Variants in ARHGAP32 observed in about 807,000 individuals in gnomAD.
The protein encoded by ARHGAP32 is Rho GTPase activating protein 32.
A neutral mutation model predicts 186.5 loss-of-function variants in ARHGAP32; 51 were observed. That is an observed-to-expected ratio of 0.27 (90% CI 0.22 to 0.35). ARHGAP32 has a LOEUF of 0.35. ARHGAP32 is among the 10% of genes least tolerant of loss of function. The pLI, the probability that ARHGAP32 is intolerant of heterozygous loss-of-function variation, is 1.00. For synonymous variants in ARHGAP32, 950 were observed against 964.3 expected, an observed-to-expected ratio of 0.99 and a Z score of 0.27; for missense variants, 2,186 against 2,623.5, an observed-to-expected ratio of 0.83 and a Z score of 3.64.
At chr11:129,211,091 C>A (rs1265446249) in intron 1 of ARHGAP32, among the ~76,000 whole-genome samples, 3 of 152,168 alleles carry the variant, frequency 2.0e-5, no homozygotes, top group Non-Finnish European at 2.9e-5. Context: ...TTCAATGCAT[C>A]CCTTTCCATC....
At chr11:129,157,596 A>G (rs1014587369) in intron 2 of ARHGAP32, among the ~76,000 whole-genome samples, 2 of 152,218 alleles carry the variant, frequency 1.3e-5, no homozygotes, top group Non-Finnish European at 2.9e-5. Flanking sequence ...GACCAAATCT[A>G]TCTTTGGCTG....
chr11:129,130,457 C>T (rs1233470695), intron 2 of ARHGAP32, among the ~76,000 whole-genome samples: 3 of 151,210 alleles, frequency 2.0e-5, no homozygotes, highest in Admixed American at 1.3e-4. Context: ...ATACATTCAA[C>T]GACATCAAAA....
intron 1 of ARHGAP32, among the ~76,000 whole-genome samples, chr11:129,255,764 T>C (rs1331681951): frequency 1.3e-5 from 2 of 152,034 alleles, no homozygotes; most frequent in African/African-American, 4.8e-5. Flanking sequence ...TTAAAAACAA[T>C]GACATCAAGT....
intron 6 of ARHGAP32, among the ~76,000 whole-genome samples, chr11:129,092,861 T>G (rs1406755417): frequency 6.6e-6 from 1 of 151,970 alleles, no homozygotes; most frequent in East Asian, 1.9e-4. Flanking sequence ...GAAGAAAGCT[T>G]TCCTCCTAAA....
At chr11:129,088,419 A>G (rs974151932) in intron 6 of ARHGAP32, among the ~76,000 whole-genome samples, 1 of 152,156 alleles carries the variant, frequency 6.6e-6, no homozygotes, top group Non-Finnish European at 1.5e-5. Context: ...GTCTCTACTA[A>G]AAATACAAAA....
intron 11 of ARHGAP32, among the ~76,000 whole-genome samples, chr11:129,006,960 T>A (rs561366687): frequency 1.3e-5 from 2 of 152,032 alleles, no homozygotes; most frequent in Non-Finnish European, 2.9e-5. Context: ...TCTTTCCTAC[T>A]CTTCTCTCCC....
intron 1 of ARHGAP32, among the ~76,000 whole-genome samples, chr11:129,241,289 A>G (rs1591713835): frequency 6.6e-6 from 1 of 152,160 alleles, no homozygotes; most frequent in Non-Finnish European, 1.5e-5. Context: ...TTTTATTTGG[A>G]AAGGTAAGAA....
At chr11:129,121,373 G>A (rs1942524409) in intron 5 of ARHGAP32, among the ~76,000 whole-genome samples, 1 of 152,072 alleles carries the variant, frequency 6.6e-6, no homozygotes, top group Admixed American at 6.6e-5. Flanking sequence ...AACATGGGTT[G>A]AATTCAACCA....
intron 10 of ARHGAP32, among the ~76,000 whole-genome samples, chr11:129,059,434 A>G (rs1325154270): frequency 2.0e-5 from 3 of 152,000 alleles, no homozygotes; most frequent in African/African-American, 7.3e-5. Flanking sequence ...GAAATGGACT[A>G]ATGTGTAGAA....
chr11:129,093,729 A>C, intron 5 of ARHGAP32, 22 bp from the exon 6 acceptor site: 1 of 1,505,842 alleles, frequency 6.6e-7, no homozygotes, highest in Non-Finnish European at 9.1e-7. Flanking sequence ...AAAAAAAAGA[A>C]GAGGGGGAAA....
At chr11:129,217,658 T>C (rs944812680) in intron 1 of ARHGAP32, among the ~76,000 whole-genome samples, 5 of 152,174 alleles carry the variant, frequency 3.3e-5, no homozygotes, top group Non-Finnish European at 7.4e-5. Context: ...AAAAGCTCAG[T>C]ACTGTCTATT....
intron 12 of ARHGAP32, among the ~76,000 whole-genome samples, chr11:128,995,636 C>G (rs574602166): frequency 6.6e-6 from 1 of 152,288 alleles, no homozygotes; most frequent in East Asian, 1.9e-4. Flanking sequence ...TCCAGGAGTT[C>G]GAGATCAGCC....
intron 12 of ARHGAP32, among the ~76,000 whole-genome samples, chr11:128,988,739 T>C (rs1945950795): frequency 6.6e-6 from 1 of 152,240 alleles, no homozygotes; most frequent in Non-Finnish European, 1.5e-5. Context: ...TTAACTTTAT[T>C]GACATTTTGA....
chr11:129,231,120 T>A (rs2135636337), intron 1 of ARHGAP32, among the ~76,000 whole-genome samples: 1 of 152,134 alleles, frequency 6.6e-6, no homozygotes, highest in South Asian at 2.1e-4. Context: ...GGCAACAGAG[T>A]AAGACGCCAT....
chr11:129,016,753 A>AACTTTTTGGAATCTCATTGAAGCTGC (rs1938362860), intron 11 of ARHGAP32, among the ~76,000 whole-genome samples: 2 of 152,198 alleles, frequency 1.3e-5, no homozygotes. Context: ...GGAGAAAAAA[A>AACTTTTTGGAATCTCATTGAAGCTGC]ACTTTTTGGA....
intron 2 of ARHGAP32, among the ~76,000 whole-genome samples, chr11:129,133,895 A>T (rs1429785101): frequency 6.6e-6 from 1 of 152,214 alleles, no homozygotes; most frequent in Non-Finnish European, 1.5e-5. Flanking sequence ...ACATGCTTTA[A>T]AATATATGTG....
chr11:129,069,298 T>C (rs2135168748), intron 6 of ARHGAP32, among the ~76,000 whole-genome samples: 1 of 152,200 alleles, frequency 6.6e-6, no homozygotes, highest in Non-Finnish European at 1.5e-5. Context: ...ATCCTGGTTA[T>C]TTAAGAATTA....
At chr11:129,104,307 T>C (rs1941988505) in intron 5 of ARHGAP32, among the ~76,000 whole-genome samples, 1 of 152,058 alleles carries the variant, frequency 6.6e-6, no homozygotes, top group African/African-American at 2.4e-5. Context: ...GAATAGTATT[T>C]AATTATGAAA....
At chr11:129,234,347 T>A (rs1232678507) in intron 1 of ARHGAP32, among the ~76,000 whole-genome samples, 1 of 152,076 alleles carries the variant, frequency 6.6e-6, no homozygotes, top group African/African-American at 2.4e-5. Context: ...AAAAATGTAG[T>A]CTAAGCATTG....
Sources: gnomAD v4.1 joint callset for allele counts (sites outside exome capture counted in the v4.1 genomes callset) on GRCh38, gnomAD v4.1.1 for gene constraint, MANE v1.5 for transcripts, NCBI Gene and HGNC (gene_info 2026-07-23, HGNC 2026-07-21) for gene names.